ZNF662: variants seen among roughly 807,000 people sequenced by gnomAD.
The protein encoded by ZNF662 is zinc finger protein 662.
In ZNF662, 14 loss-of-function variants were observed where a neutral mutation model predicts 12.4. That is an observed-to-expected ratio of 1.13 (90% CI 0.75 to 1.77). ZNF662 has a LOEUF of 1.77. Among genes scored for constraint, ZNF662 ranks in the 40% most tolerant of loss-of-function variants. The probability of loss-of-function intolerance (pLI) is 0.00; values close to 1 mark genes in which losing one functional copy is unlikely to be tolerated. For synonymous variants in ZNF662, 184 were observed against 176.4 expected (o/e 1.04, Z -0.34); for missense variants, 550 against 515.6 (o/e 1.07, Z -0.65).
In ZNF662 at chr3:42,914,582, C is replaced by T; in HGVS notation, c.509C>T (p.Ser170Leu). The T allele has an allele frequency of 1.2e-6, 2 of 1,614,046 alleles. No individual in the cohort carries two copies. Among genetic ancestry groups the T allele is most frequent in the Non-Finnish European group, 1.7e-6 (2 of 1,179,998 alleles). ...KDEMISVEES[S>L]GNTDVNNLLG... ...GAGATGATCTCAGTAGAAGAGAGTT[C>T]AGGGAATACTGATGTCAATAACCTC... Residue 170 changes from serine to leucine, a missense_variant, in exon 5 of 5, where the codon TCA becomes TTA. Ser to Leu is a moderately radical substitution (Grantham distance 145). Coordinates refer to ENST00000440367, the MANE Select transcript of ZNF662 (RefSeq NM_207404.4).
rs1575415230 is a variant in ZNF662 at position 42,914,445 on chromosome 3, G to T, written c.372G>T (p.Trp124Cys). The T allele has an allele frequency of 2.5e-6, 4 of 1,614,032 alleles. No homozygotes were observed. The highest frequency in any genetic ancestry group is 3.4e-6 in the Non-Finnish European group (4 of 1,180,008). Residue 124 changes from tryptophan to cysteine, a missense_variant, in exon 5 of 5, where the codon TGG becomes TGT. Physicochemically the swap from Trp to Cys is radical, Grantham distance 215 (BLOSUM62 -2). Transcript: ENST00000440367. ...GPQWCGSQEL[W>C]FGKTCEEKSR... Reference sequence around the variant, plus strand: ...AGTGGTGTGGATCCCAGGAATTATGGTTTGGGAAAACCTGTGAAGAGAAAA... The same window carrying T: ...AGTGGTGTGGATCCCAGGAATTATGTTTTGGGAAAACCTGTGAAGAGAAAA...
rs2125638545 is a variant in ZNF662, at chr3:42,906,542, A to C, written c.-94+374A>C. The C allele has an allele frequency of 9.5e-7, 1 of 1,051,762 alleles. No individual in the cohort carries two copies. The highest frequency in any genetic ancestry group is 3.2e-5 in the East Asian group (1 of 31,522). 65.2% of individuals were successfully genotyped at this position (1,051,762 alleles called of 1,614,324 possible). A position where few individuals can be genotyped will look rare whatever the true frequency, so the allele number is the denominator to read the frequency against. ...CGGCTGGGAAATGGGGGTACAACCC[A>C]GAGTGAGGGGCCTCGAGGGACAGGC... On this transcript the variant is annotated intron_variant, in intron 1 of 4. Transcript: ENST00000440367. The surrounding 1 kb of genome is among the most constrained non-coding windows in gnomAD (Gnocchi z 4.4).
At chr3:42,907,805 C>T (rs1034335761) in intron 1 of ZNF662, 2 of 985,326 alleles carry the variant, frequency 2.0e-6, no homozygotes, top group Admixed American at 6.1e-5. Flanking sequence ...AAAATGTTTG[C>T]TGAAATAAAG....
intron 3 of ZNF662, among the ~76,000 whole-genome samples, chr3:42,909,601 G>A (rs977628015): frequency 9.9e-5 from 15 of 152,200 alleles, no homozygotes; most frequent in Admixed American, 3.3e-4. Context: ...ACGGGGTGGC[G>A]GCCTAGCAGA....
Position 42,915,121 on chromosome 3 carries a change from C to T in ZNF662, c.1048C>T (p.His350Tyr). ...CATGTGGAACTCAGATCTTTCTCAG[C>T]ACCAGAGGGTCCACACTGGGGACAA... The part of the protein sequence containing the change: ...GFMWNSDLSQ[H>Y]QRVHTGDKPH... The change falls in exon 5 of 5, where the codon CAC becomes TAC. Residue 350 changes from histidine to tyrosine, a missense_variant. Transcript: ENST00000440367. 1.2e-6 allele frequency: 2 copies of T among 1,614,178 alleles called. No homozygotes were observed. Among genetic ancestry groups the T allele is most frequent in the South Asian group, 1.1e-5 (1 of 91,078 alleles).
chr3:42,917,280 C>T lies in ZNF662; in HGVS notation c.*1926C>T, dbSNP rs1186964125. On this transcript the variant is annotated 3_prime_UTR_variant, in exon 5 of 5. Coordinates refer to ENST00000440367, the MANE Select transcript of ZNF662 (RefSeq NM_207404.4). ...TTGGCTTGTGTCAATCAGTTTATCC[C>T]ATCCCCTTGGCCACAGAGCCATTGT... 12 of 544,498 alleles carry T rather than the reference C, an allele frequency of 2.2e-5. No homozygotes were observed. The highest frequency in any genetic ancestry group is 3.5e-5 in the Admixed American group (1 of 28,874). The allele number at this position is 544,498 out of a possible 1,614,324, so 33.7% of individuals were successfully genotyped here. A position where few individuals can be genotyped will look rare whatever the true frequency, so the allele number is the denominator to read the frequency against.
rs1002831762 is a variant in ZNF662 at position 42,917,778 on chromosome 3, A to G, written c.*2424A>G. ...GTAGTCTCATAAGCTTCTCAGTTTTATCTCATCTCAGTTGCTTGGAAGTTG... is the reference window on the plus strand; with the variant it reads ...GTAGTCTCATAAGCTTCTCAGTTTTGTCTCATCTCAGTTGCTTGGAAGTTG... On this transcript the variant is annotated 3_prime_UTR_variant, in exon 5 of 5. Coordinates refer to ENST00000440367, the MANE Select transcript of ZNF662 (RefSeq NM_207404.4). 1.0e-5 allele frequency: 6 copies of G among 584,362 alleles called. No homozygotes were observed. The highest frequency in any genetic ancestry group is 6.6e-5 in the South Asian group (3 of 45,488). The allele number at this position is 584,362 out of a possible 1,614,324, so 36.2% of individuals were successfully genotyped here. A position where few individuals can be genotyped will look rare whatever the true frequency, so the allele number is the denominator to read the frequency against.
chr3:42,907,912 A>G, intron 1 of ZNF662, 110 bp from the exon 2 acceptor site: 1 of 1,458,028 alleles, frequency 6.9e-7, no homozygotes, highest in Non-Finnish European at 9.1e-7. Flanking sequence ...GACATTCAGA[A>G]TCCAGAATCC....
At position 42,919,197 on chromosome 3, in the gene ZNF662, CTT is replaced by C. The variant is rs1308179765; in HGVS notation, c.*3844_*3845del. 6.6e-6 allele frequency among the ~76,000 whole-genome samples: 1 copy of C among 152,144 alleles called. No individual in the cohort carries two copies. Among genetic ancestry groups the C allele is most frequent in the Admixed American group, 6.5e-5 (1 of 15,272 alleles). ...TGTTAGTTTAAAATGTGGGCAAAAA[CTT>C]AAAAACAACGAATGAGTCTAAAATC... On this transcript the variant is annotated 3_prime_UTR_variant, in exon 5 of 5. Coordinates refer to ENST00000440367, the MANE Select transcript of ZNF662 (RefSeq NM_207404.4).
At chr3:42,908,216 G>A in intron 2 of ZNF662, 68 bp downstream of exon 2, 2 of 1,550,002 alleles carry the variant, frequency 1.3e-6, no homozygotes, top group East Asian at 2.3e-5. Context: ...TTTCTCAAAG[G>A]CTCAGGAGTT....
chr3:42,910,628 A>T (rs1186003302), intron 3 of ZNF662, among the ~76,000 whole-genome samples: 4 of 152,130 alleles, frequency 2.6e-5, no homozygotes, highest in Non-Finnish European at 5.9e-5. Context: ...TCAGCCAGAT[A>T]GTTCCTATTC....
At position 42,914,533 on chromosome 3, in the gene ZNF662, A is replaced by G; in HGVS notation, c.460A>G (p.Ile154Val). 1 of 1,613,984 alleles carries G rather than the reference A, an allele frequency of 6.2e-7. No homozygotes were observed. Among genetic ancestry groups the G allele is most frequent in the Non-Finnish European group, 8.5e-7 (1 of 1,179,878 alleles). ...GGRMESSTND[I>V]IEVIVKDEMI... ...ACGTATGGAAAGTTCTACAAATGAT[A>G]TTATAGAAGTGATTGTCAAGGATGA... is the stretch of plus-strand genomic sequence containing the variant. The change falls in exon 5 of 5, where the codon ATT becomes GTT. Residue 154 changes from isoleucine to valine, a missense_variant. Ile to Val is a conservative substitution (Grantham distance 29, BLOSUM62 3). Transcript: ENST00000440367.
intron 3 of ZNF662, among the ~76,000 whole-genome samples, chr3:42,909,652 G>GC (rs1238696334): frequency 8.6e-5 from 13 of 150,880 alleles, no homozygotes; most frequent in South Asian, 6.3e-4. Context: ...GGGCAGAGGT[G>GC]CCCCCCCACC....
At position 42,908,033 on chromosome 3, in the gene ZNF662, C is replaced by G; in HGVS notation, c.-82C>G. Reference sequence around the variant, plus strand: ...ACATGTTGTTTCAGGAGTCAGTGACCTTCGAGGATGTGGCCGTCTACTTCT... The same window carrying G: ...ACATGTTGTTTCAGGAGTCAGTGACGTTCGAGGATGTGGCCGTCTACTTCT... On this transcript the variant is annotated 5_prime_UTR_variant, in exon 2 of 5. Coordinates refer to ENST00000440367, the MANE Select transcript of ZNF662 (RefSeq NM_207404.4). 2.5e-6 allele frequency: 4 copies of G among 1,614,152 alleles called. No homozygotes were observed. The highest frequency in any genetic ancestry group is 3.4e-6 in the Non-Finnish European group (4 of 1,180,010).
intron 1 of ZNF662, among the ~76,000 whole-genome samples, chr3:42,907,340 T>C (rs1013060459): frequency 1.3e-5 from 2 of 152,120 alleles, no homozygotes; most frequent in African/African-American, 4.8e-5. Context: ...TCTGCCCTGT[T>C]GAGTACAGTG....
Position 42,918,503 on chromosome 3 carries a change from CTGTGTA to C in ZNF662, c.*3155_*3160del, listed in dbSNP as rs1559384114. Among the ~76,000 whole-genome samples, 1 of 152,174 alleles carries C rather than the reference CTGTGTA, an allele frequency of 6.6e-6. No individual in the cohort carries two copies. The highest frequency in any genetic ancestry group is 6.5e-5 in the Admixed American group (1 of 15,278). ...GAGCCACTCCACATTATTTCCCTTA[CTGTGTA>C]TGTGTTAAGGAACGGAATTTTTCAT... On this transcript the variant is annotated 3_prime_UTR_variant, in exon 5 of 5. Transcript: ENST00000440367.
intron 3 of ZNF662, 100 bp from the exon 4 acceptor site, chr3:42,913,101 C>G (rs937717195): frequency 5.1e-5 from 40 of 788,970 alleles, no homozygotes; most frequent in Admixed American, 4.6e-4. Flanking sequence ...ATCTTTTCAC[C>G]CACCTTTATT....
chr3:42,914,564 T>A lies in ZNF662; in HGVS notation c.491T>A (p.Ile164Asn). Residue 164 changes from isoleucine to asparagine, a missense_variant, in exon 5 of 5, where the codon ATC becomes AAC. By Grantham distance (149) the Ile-to-Asn change is moderately radical (BLOSUM62 -3). Transcript: ENST00000440367. ...IIEVIVKDEM[I>N]SVEESSGNTD... is the part of the protein sequence containing the mutation. ...GAAGTGATTGTCAAGGATGAGATGA[T>A]CTCAGTAGAAGAGAGTTCAGGGAAT... is the stretch of plus-strand genomic sequence containing the variant. 6.2e-7 allele frequency: 1 copy of A among 1,614,128 alleles called. No individual in the cohort carries two copies. The highest frequency in any genetic ancestry group is 8.5e-7 in the Non-Finnish European group (1 of 1,180,018).
chr3:42,908,991 A>T, intron 3 of ZNF662, 82 bp downstream of exon 3: 1 of 945,648 alleles, frequency 1.1e-6, no homozygotes. Flanking sequence ...TGTTTTTTTA[A>T]TCTAGTGTTG....
Sources: gnomAD v4.1 joint callset for allele counts (sites outside exome capture counted in the v4.1 genomes callset) on GRCh38, gnomAD v4.1.1 for gene constraint, Gnocchi (gnomAD v3.1) non-coding constraint, MANE v1.5 for transcripts, NCBI Gene and HGNC (gene_info 2026-07-23, HGNC 2026-07-21) for gene names.